The following USP32 variants were observed in gnomAD, a reference collection of about 807,000 sequenced individuals.
USP32 encodes the protein ubiquitin carboxyl-terminal hydrolase 32.
A neutral mutation model predicts 204.8 loss-of-function variants in USP32; 59 were observed. That is an observed-to-expected ratio of 0.29 (90% CI 0.23 to 0.36). The LOEUF is 0.36. Among genes scored for constraint, USP32 ranks in the 10% least tolerant of loss-of-function variants. The pLI, the probability that USP32 is intolerant of heterozygous loss-of-function variation, is 1.00. For missense variants in USP32, 1,160 were observed against 1,946.4 expected, an observed-to-expected ratio of 0.60 and a Z score of 7.60; for synonymous variants, 517 against 678.4, an observed-to-expected ratio of 0.76 and a Z score of 3.70.
At chr17:60,214,008 T>C (rs1242361560) in intron 17 of USP32, among the ~76,000 whole-genome samples, 1 of 151,964 alleles carries the variant, frequency 6.6e-6, no homozygotes, top group Non-Finnish European at 1.5e-5. Context: ...AGTGGCACTA[T>C]CTTGGCTCAC....
chr17:60,349,540 C>CA (rs1029795075), intron 1 of USP32, among the ~76,000 whole-genome samples: 1 of 129,482 alleles, frequency 7.7e-6, no homozygotes, highest in Non-Finnish European at 1.6e-5. Context: ...CACTACATTC[C>CA]AGCCTGGACA....
At chr17:60,353,381 T>C (rs897372157) in intron 1 of USP32, among the ~76,000 whole-genome samples, 2 of 152,188 alleles carry the variant, frequency 1.3e-5, no homozygotes, top group Non-Finnish European at 2.9e-5. Context: ...TATTTTGTGA[T>C]GGTAGCCCAA....
chr17:60,207,136 C>T lies in USP32; in HGVS notation c.2926-4G>A. The T allele has an allele frequency of 6.2e-7, 1 of 1,608,524 alleles. No individual in the cohort carries two copies. Among genetic ancestry groups the T allele is most frequent in the Non-Finnish European group, 8.5e-7 (1 of 1,177,374 alleles). On this transcript the variant is annotated splice_region_variant and splice_polypyrimidine_tract_variant and intron_variant, in intron 24 of 33. Coordinates refer to ENST00000300896, the MANE Select transcript of USP32 (RefSeq NM_032582.4). ...TTTGGTTGTCCTGAGGAAAGTTCTA[C>T]AGAAACAGAAGCAAGATGAGAAGGG... is the stretch of plus-strand genomic sequence containing the variant.
intron 1 of USP32, among the ~76,000 whole-genome samples, chr17:60,351,340 C>T (rs894542134): frequency 6.6e-6 from 1 of 152,124 alleles, no homozygotes; most frequent in Non-Finnish European, 1.5e-5. Flanking sequence ...GGACTACAGG[C>T]ATGCACCACT....
chr17:60,281,784 C>A (rs1354246929), intron 5 of USP32, among the ~76,000 whole-genome samples: 2 of 152,114 alleles, frequency 1.3e-5, no homozygotes, highest in Non-Finnish European at 2.9e-5. Flanking sequence ...CAGTGTTTCT[C>A]AAAATGCAGT....
chr17:60,329,832 A>G (rs2088336967), intron 2 of USP32, among the ~76,000 whole-genome samples: 1 of 152,120 alleles, frequency 6.6e-6, no homozygotes, highest in Non-Finnish European at 1.5e-5. Context: ...ATAGAATACC[A>G]ACTCCTGCGA....
intron 1 of USP32, among the ~76,000 whole-genome samples, chr17:60,355,450 TC>T (rs2089047235): frequency 6.6e-6 from 1 of 152,078 alleles, no homozygotes; most frequent in East Asian, 1.9e-4. Context: ...CCTCTGAAAA[TC>T]CATTCTTCTA....
chr17:60,356,728 T>G (rs1285559533), intron 1 of USP32, among the ~76,000 whole-genome samples: 1 of 152,154 alleles, frequency 6.6e-6, no homozygotes, highest in East Asian at 1.9e-4. Flanking sequence ...ACTACAGTAC[T>G]TAAAATGTCT....
chr17:60,242,349 T>C (rs1460699266), intron 11 of USP32, among the ~76,000 whole-genome samples: 5 of 152,186 alleles, frequency 3.3e-5, no homozygotes, highest in Non-Finnish European at 7.3e-5. Context: ...CTGAATTTTC[T>C]TGACATCTTT....
At chr17:60,205,229 A>G (rs1198958265) in intron 26 of USP32, among the ~76,000 whole-genome samples, 2 of 152,282 alleles carry the variant, frequency 1.3e-5, no homozygotes, top group African/African-American at 4.8e-5. Flanking sequence ...GATCACTTAT[A>G]TTAGCATATA....
At chr17:60,196,270 C>CA (rs749074954) in intron 27 of USP32, among the ~76,000 whole-genome samples, 12,628 of 128,944 alleles carry the variant, frequency 0.098, 2,509 homozygotes, top group African/African-American at 0.4. Flanking sequence ...ATCCCCACGC[C>CA]AAAAAAAGAA....
At chr17:60,326,824 T>C (rs978398054) in intron 2 of USP32, among the ~76,000 whole-genome samples, 1 of 152,198 alleles carries the variant, frequency 6.6e-6, no homozygotes, top group Non-Finnish European at 1.5e-5. Flanking sequence ...TTCTGAGTTA[T>C]ATTTATATAG....
intron 9 of USP32, among the ~76,000 whole-genome samples, chr17:60,259,559 T>C (rs974030827): frequency 6.6e-6 from 1 of 152,036 alleles, no homozygotes; most frequent in Non-Finnish European, 1.5e-5. Context: ...AATAAGCGGG[T>C]TGGAAATGAA....
rs1438448544 is a variant in USP32, at chr17:60,184,483, TCA to T, written c.3834+975_3834+976del. 2.6e-5 allele frequency among the ~76,000 whole-genome samples: 4 copies of T among 152,080 alleles called. No homozygotes were observed. The East Asian group carries it at 5.8e-4, about 22-fold the overall frequency. On this transcript the variant is annotated intron_variant, in intron 30 of 33. Coordinates refer to ENST00000300896, the MANE Select transcript of USP32 (RefSeq NM_032582.4). The stretch of plus-strand genomic sequence containing the variant: ...GTCTAAGAAAAACCTACATTCAGCT[TCA>T]CAGAGTAGTATGACAGAGACATGAA...
intron 1 of USP32, among the ~76,000 whole-genome samples, chr17:60,417,749 C>A (rs1307569149): frequency 6.6e-6 from 1 of 151,526 alleles, no homozygotes; most frequent in Non-Finnish European, 1.5e-5. Flanking sequence ...AGCCATTGTG[C>A]CCAGCCTGAT....
At chr17:60,367,029 G>A (rs1409563026) in intron 1 of USP32, among the ~76,000 whole-genome samples, 3 of 152,020 alleles carry the variant, frequency 2.0e-5, no homozygotes, top group African/African-American at 4.8e-5. Flanking sequence ...GGGTTTCACC[G>A]TGTTAGCCAG....
intron 24 of USP32, among the ~76,000 whole-genome samples, 198 bp from the exon 25 acceptor site, chr17:60,207,330 T>C (rs1023989623): frequency 6.6e-6 from 1 of 152,184 alleles, no homozygotes; most frequent in African/African-American, 2.4e-5. Flanking sequence ...TTTCGAACTA[T>C]TATCTCTTTT....
At chr17:60,411,548 ATT>A (rs892085839) in intron 1 of USP32, among the ~76,000 whole-genome samples, 1 of 149,648 alleles carries the variant, frequency 6.7e-6, no homozygotes, top group African/African-American at 2.5e-5. Context: ...GTATTTATTT[ATT>A]TGTTTTAGAG....
chr17:60,376,747 C>G (rs1050972674), intron 1 of USP32, among the ~76,000 whole-genome samples: 14 of 151,904 alleles, frequency 9.2e-5, no homozygotes, highest in Admixed American at 2.0e-4. Flanking sequence ...GTCTCGAACT[C>G]CTGACTTCAA....
Sources: allele counts gnomAD v4.1 joint callset (sites outside exome capture counted in the v4.1 genomes callset), GRCh38; gene constraint gnomAD v4.1.1; transcripts MANE v1.5; gene names NCBI Gene and HGNC (gene_info 2026-07-23, HGNC 2026-07-21).